Variants in IRX4 observed in about 807,000 individuals in gnomAD.
The protein encoded by IRX4 is iroquois-class homeodomain protein IRX-4.
Under a neutral mutation model 32.0 loss-of-function variants are expected in IRX4, and 22 were observed. That is an observed-to-expected ratio of 0.69 (90% CI 0.49 to 0.98). IRX4 has a LOEUF of 0.98. IRX4 is among the 50% of genes least tolerant of loss of function. IRX4 has a pLI of 0.00. For missense variants in IRX4, 840 were observed against 744.2 expected, an observed-to-expected ratio of 1.13 and a Z score of -1.50; for synonymous variants, 379 against 351.7, an observed-to-expected ratio of 1.08 and a Z score of -0.87.
chr5:1,880,171 T>G, intron 3 of IRX4: 1 of 1,517,432 alleles, frequency 6.6e-7, no homozygotes, highest in Non-Finnish European at 8.8e-7. Context: ...TATAGACAGG[T>G]AAGCCCACAC....
chr5:1,881,723 C>G (rs975828831), intron 2 of IRX4, 85 bp downstream of exon 2: 2 of 1,507,290 alleles, frequency 1.3e-6, no homozygotes, highest in African/African-American at 1.4e-5. Context: ...TCCGGGGACC[C>G]GGACTGGCGC....
rs755017311 is a variant in IRX4 at position 1,878,513 on chromosome 5, C to T, written c.1016G>A (p.Gly339Asp). ...SAAAGPEPLP[G>D]AEGGPQVCEA... ...GCAGACCTGAGGGCCGCCCTCTGCG[C>T]CCGGCAGTGGCTCCGGCCCGGCCGC... Residue 339 changes from glycine to aspartate, a missense_variant, in exon 5 of 5, where the codon GGC (glycine) becomes GAC (aspartate). Gly to Asp is a moderately conservative substitution (Grantham distance 94). Transcript: ENST00000231357. 60 of 1,434,448 alleles carry T rather than the reference C, an allele frequency of 4.2e-5. No homozygotes were observed. In the Middle Eastern group the frequency reaches 5.7e-4, roughly 14 times the overall value. The allele number at this position is 1,434,448 out of a possible 1,614,324, so 88.9% of individuals were successfully genotyped here.
At position 1,879,549 on chromosome 5, in the gene IRX4, C is replaced by T. The variant is rs1198720192; in HGVS notation, c.691G>A (p.Glu231Lys). 3.7e-6 allele frequency: 6 copies of T among 1,613,244 alleles called. No individual in the cohort carries two copies. The highest frequency in any genetic ancestry group is 2.2e-5 in the South Asian group (2 of 91,072). Residue 231 changes from glutamate (E) to lysine (K), a missense_variant, in exon 4 of 5, where the codon GAG (glutamate) becomes AAG (lysine). Physicochemically the swap from Glu to Lys is moderately conservative, Grantham distance 56. Coordinates refer to ENST00000231357, the MANE Select transcript of IRX4 (RefSeq NM_016358.3). ...YAEGEEEEGG[E>K]EEAREEPLKS... The stretch of plus-strand genomic sequence containing the variant: ...AGGGGCTCCTCCCGCGCCTCCTCCT[C>T]GCCCCCCTCCTCCTCCTCGCCCTCC...
At chr5:1,880,194 C>G in intron 3 of IRX4, 1 of 1,418,276 alleles carries the variant, frequency 7.1e-7, no homozygotes, top group South Asian at 1.2e-5. Context: ...TGAGATGTAA[C>G]ACGTGTGGCA....
Position 1,882,760 on chromosome 5 carries a change from A to G in IRX4, c.-113T>C. ...AGGCTTCTAGGCGCTGGGAGGGCGAAGCAGGAGAGCCGGTTAGTCCATCCC... is the reference window on the plus strand; with the variant it reads ...AGGCTTCTAGGCGCTGGGAGGGCGAGGCAGGAGAGCCGGTTAGTCCATCCC... On this transcript the variant is annotated 5_prime_UTR_variant, in exon 1 of 5. Coordinates refer to ENST00000231357, the MANE Select transcript of IRX4 (RefSeq NM_016358.3). The G allele has an allele frequency of 1.6e-6, 1 of 610,724 alleles. No individual in the cohort carries two copies. The highest frequency in any genetic ancestry group is 2.6e-6 in the Non-Finnish European group (1 of 390,670). 37.8% of individuals were successfully genotyped at this position (610,724 alleles called of 1,614,324 possible).
Position 1,878,374 on chromosome 5 carries a change from C to G in IRX4, c.1155G>C (p.Leu385=), listed in dbSNP as rs748356860. The G allele has an allele frequency of 6.5e-7, 1 of 1,534,890 alleles. No individual in the cohort carries two copies. The highest frequency in any genetic ancestry group is 2.0e-5 in the Admixed American group (1 of 50,732). The change falls in exon 5 of 5, where the codon CTG becomes CTC. Residue 385 remains leucine (L), a synonymous_variant. Coordinates refer to ENST00000231357, the MANE Select transcript of IRX4 (RefSeq NM_016358.3). The stretch of plus-strand genomic sequence containing the variant: ...TGCACGACGGAAACTCAGTCTGGCT[C>G]AGGGAGGTGGCGGCGGCGGCGGCGG... ...ATAAAAAATS[L]SQTEFPSCML...
chr5:1,884,490 G>T (rs1041446039), upstream of IRX4: 1 of 152,206 alleles, frequency 6.6e-6, no homozygotes, highest in Non-Finnish European at 1.5e-5. Context: ...ATGAAAATAC[G>T]AGTTCTCCGA....
rs775073621 is a variant in IRX4, at chr5:1,877,919, C to T, written c.*50G>A. ...CTGGAAACTCAGTGAAAAGAGTCGGCGCCGTCCGCCTGAGCGCGGGTTCCC... is the reference window on the plus strand; with the variant it reads ...CTGGAAACTCAGTGAAAAGAGTCGGTGCCGTCCGCCTGAGCGCGGGTTCCC... On this transcript the variant is annotated 3_prime_UTR_variant, in exon 5 of 5. Coordinates refer to ENST00000231357, the MANE Select transcript of IRX4 (RefSeq NM_016358.3). 2.8e-6 allele frequency: 4 copies of T among 1,438,934 alleles called. No homozygotes were observed. The highest frequency in any genetic ancestry group is 2.5e-5 in the South Asian group (2 of 78,892). The allele number at this position is 1,438,934 out of a possible 1,614,324, so 89.1% of individuals were successfully genotyped here.
rs747755093 is a variant in IRX4 at position 1,881,812 on chromosome 5, G to C, written c.293C>G (p.Ser98Trp). 1.3e-6 allele frequency: 2 copies of C among 1,566,218 alleles called. No homozygotes were observed. The highest frequency in any genetic ancestry group is 2.7e-5 in the African/African-American group (2 of 73,468). ...TYGSEASAFY[S>W]LNSFDSKDGS... is the part of the protein sequence containing the mutation. ...GGCTAGGGATGCCCCACTTACCAGC[G>C]AGTAGAAGGCGGACGCCTCCGAGCC... The change falls in exon 2 of 5, where the codon TCG (serine) becomes TGG (tryptophan). Residue 98 changes from serine to tryptophan, a missense_variant. Physicochemically the swap from Ser to Trp is radical, Grantham distance 177 (BLOSUM62 -3). Coordinates refer to ENST00000231357, the MANE Select transcript of IRX4 (RefSeq NM_016358.3).
At position 1,880,839 on chromosome 5, in the gene IRX4, G is replaced by T. The variant is rs531947910; in HGVS notation, c.298-5C>A. On this transcript the variant is annotated splice_region_variant and splice_polypyrimidine_tract_variant and intron_variant, in intron 2 of 4. Transcript: ENST00000231357. Reference sequence around the variant, plus strand: ...ATCCTTGGAATCAAAGCTGTTCTGTGGGAGCCAAGAGTCTGGGGTCGCAGT... The same window carrying T: ...ATCCTTGGAATCAAAGCTGTTCTGTTGGAGCCAAGAGTCTGGGGTCGCAGT... The T allele has an allele frequency of 1.5e-4, 238 of 1,611,764 alleles. No individual in the cohort carries two copies. The highest frequency in any genetic ancestry group is 1.9e-4 in the Non-Finnish European group (219 of 1,178,330).
At chr5:1,882,131 G>T in intron 1 of IRX4, 72 bp from the exon 2 acceptor site, 1 of 1,485,214 alleles carries the variant, frequency 6.7e-7, no homozygotes. Flanking sequence ...TGCCAATCCC[G>T]CGCGCCGCCC....
In IRX4 at chr5:1,878,297, G is replaced by T; in HGVS notation, c.1232C>A (p.Ala411Asp). Residue 411 changes from alanine (A) to aspartate (D), a missense_variant, in exon 5 of 5, where the codon GCC (alanine) becomes GAC (aspartate). Transcript: ENST00000231357. ...AAPAAVSSAP[A>D]TSPSVALPHS... is the part of the protein sequence containing the mutation. ...GGGAAGGGCCACAGACGGGGACGTG[G>T]CGGGCGCGGAGGACACAGCCGCAGG... is the stretch of plus-strand genomic sequence containing the variant. The T allele has an allele frequency of 6.3e-7, 1 of 1,584,760 alleles. No individual in the cohort carries two copies.
At chr5:1,880,652 T>G (rs2111442375) in intron 3 of IRX4, 73 bp downstream of exon 3, 1 of 971,900 alleles carries the variant, frequency 1.0e-6, no homozygotes, top group Non-Finnish European at 1.7e-6. Context: ...GGCATGATGG[T>G]GGAGGGGAGT....
At chr5:1,880,580 A>G in intron 3 of IRX4, 145 bp downstream of exon 3, 1 of 626,344 alleles carries the variant, frequency 1.6e-6, no homozygotes. Flanking sequence ...CACAGACCAC[A>G]GACTCAGGTC....
intron 2 of IRX4, 89 bp downstream of exon 2, chr5:1,881,719 G>T: frequency 1.4e-6 from 2 of 1,477,208 alleles, no homozygotes; most frequent in South Asian, 1.2e-5. Flanking sequence ...ACAGTCCGGG[G>T]ACCCGGACTG....
At chr5:1,885,328 T>C (rs1483565348), upstream of IRX4, among the ~76,000 whole-genome samples, 1 of 152,110 alleles carries the variant, frequency 6.6e-6, no homozygotes, top group Non-Finnish European at 1.5e-5. Context: ...TGGGGGCCCT[T>C]TCGGGGGCTT....
Position 1,881,820 on chromosome 5 carries a change from G to A in IRX4, c.285C>T (p.Ala95=). 1.3e-6 allele frequency: 2 copies of A among 1,565,312 alleles called. No individual in the cohort carries two copies. Among genetic ancestry groups the A allele is most frequent in the Non-Finnish European group, 1.7e-6 (2 of 1,156,036 alleles). ...ATGCCCCACTTACCAGCGAGTAGAA[G>A]GCGGACGCCTCCGAGCCGTAGGTCA... is the stretch of plus-strand genomic sequence containing the variant. ...NYVTYGSEAS[A]FYSLNSFDSK... Residue 95 remains alanine (A), a synonymous_variant, in exon 2 of 5, where the codon GCC becomes GCT. Transcript: ENST00000231357.
At chr5:1,881,316 A>AG (rs200336602) in intron 2 of IRX4, among the ~76,000 whole-genome samples, 13 of 67,026 alleles carry the variant, frequency 1.9e-4, no homozygotes, top group South Asian at 1.9e-3. Flanking sequence ...GGGAGGCGCA[A>AG]GGCGGGGGGA....
intron 2 of IRX4, 116 bp from the exon 3 acceptor site, chr5:1,880,950 GC>G (rs1439365216): frequency 1.2e-6 from 1 of 803,336 alleles, no homozygotes; most frequent in Non-Finnish European, 2.2e-6. Context: ...GCAGCCCTAC[GC>G]CCCGGCAGGA....
Sources: gnomAD v4.1 joint callset for allele counts (sites outside exome capture counted in the v4.1 genomes callset) on GRCh38, gnomAD v4.1.1 for gene constraint, MANE v1.5 for transcripts, NCBI Gene and HGNC (gene_info 2026-07-23, HGNC 2026-07-21) for gene names.